Variants in CACNA1C observed in about 807,000 individuals in gnomAD.
The protein encoded by CACNA1C is voltage-dependent L-type calcium channel subunit alpha-1C.
In CACNA1C, 30 loss-of-function variants were observed where a neutral mutation model predicts 229.0. That is an observed-to-expected ratio of 0.13 (90% CI 0.10 to 0.18). The LOEUF (loss-of-function observed/expected upper bound fraction) is 0.18, where lower values mean the gene tolerates loss of function less well. Among genes scored for constraint, CACNA1C ranks in the 10% least tolerant of loss-of-function variants. The pLI is 1.00. For synonymous variants in CACNA1C, 1,114 were observed against 1,132.5 expected, an observed-to-expected ratio of 0.98 and a Z score of 0.33; for missense variants, 1,658 against 2,845.0, an observed-to-expected ratio of 0.58 and a Z score of 9.49.
Position 2,665,716 on chromosome 12 carries a change from C to T in CACNA1C, c.4526+8C>T. 1 of 1,609,986 alleles carries T rather than the reference C, an allele frequency of 6.2e-7. No individual in the cohort carries two copies. The highest frequency in any genetic ancestry group is 8.5e-7 in the Non-Finnish European group (1 of 1,177,812). On this transcript the variant is annotated splice_region_variant and intron_variant, in intron 36 of 46. Transcript: ENST00000399655. The surrounding 1 kb of genome is among the most constrained non-coding windows in gnomAD (Gnocchi z 5.9). ...GTATGACCCTGAAGCCAAGTAAGTT[C>T]CCAGAGGGAAATCCTGATTCCCCAA...
At chr12:2,603,939 C>T (rs1271292777) in intron 22 of CACNA1C, among the ~76,000 whole-genome samples, 4 of 152,166 alleles carry the variant, frequency 2.6e-5, no homozygotes, top group South Asian at 4.1e-4. Flanking sequence ...GGACAAGAAG[C>T]GTAGGATCTA....
At chr12:2,667,233 A>G (rs112697925) in intron 37 of CACNA1C, among the ~76,000 whole-genome samples, 3,901 of 103,726 alleles carry the variant, frequency 0.038, 175 homozygotes, top group African/African-American at 0.21. Flanking sequence ...ACCATGACCC[A>G]AAAAAAAAGT....
chr12:2,296,671 G>T (rs1299640942), intron 3 of CACNA1C, among the ~76,000 whole-genome samples: 1 of 152,178 alleles, frequency 6.6e-6, no homozygotes, highest in African/African-American at 2.4e-5. Context: ...CTACCGTAGA[G>T]CCAAGGAGTG....
In CACNA1C at chr12:2,677,870, G is replaced by A. The variant is rs372915169; in HGVS notation, c.5091+3G>A. The A allele has an allele frequency of 1.8e-4, 288 of 1,613,792 alleles. No individual in the cohort carries two copies. The highest frequency in any genetic ancestry group is 2.4e-4 in the Non-Finnish European group (282 of 1,179,848). ...CTTCTGAAGATGACATCTTCAGGGT[G>A]GGTGGTGCCATGGCGCACTCTCGAC... is the stretch of plus-strand genomic sequence containing the variant. On this transcript the variant is annotated splice_donor_region_variant and intron_variant, in intron 41 of 46. Transcript: ENST00000399655. This position sits in a 1 kb window ranked among gnomAD's most constrained non-coding sequence, Gnocchi z 7.4.
intron 9 of CACNA1C, among the ~76,000 whole-genome samples, chr12:2,524,164 C>G (rs1598863524): frequency 6.6e-6 from 1 of 152,232 alleles, no homozygotes; most frequent in East Asian, 1.9e-4. Flanking sequence ...AATCATTGGC[C>G]TCAACACAGT....
At chr12:2,077,830 G>C (rs1012716968) in intron 1 of CACNA1C, among the ~76,000 whole-genome samples, 1 of 152,202 alleles carries the variant, frequency 6.6e-6, no homozygotes, top group African/African-American at 2.4e-5. Context: ...CCTGGGGCTT[G>C]CTGTGTCACC....
chr12:2,112,422 T>G (rs1474024130), intron 1 of CACNA1C, among the ~76,000 whole-genome samples: 1 of 135,678 alleles, frequency 7.4e-6, no homozygotes, highest in African/African-American at 2.7e-5. Flanking sequence ...TTGTAGGGAG[T>G]GTCACGTCCT....
At chr12:2,634,459 T>A in intron 30 of CACNA1C, 79 bp downstream of exon 30, 1 of 586,042 alleles carries the variant, frequency 1.7e-6, no homozygotes, top group Non-Finnish European at 2.9e-6. Flanking sequence ...GTTTCCTTCA[T>A]TTTATTTTCT....
intron 3 of CACNA1C, among the ~76,000 whole-genome samples, chr12:2,192,032 TCACACATACAGGCA>T (rs1330747177): frequency 6.8e-6 from 1 of 147,996 alleles, no homozygotes; most frequent in Non-Finnish European, 1.5e-5. Flanking sequence ...ATACACGCAC[TCACACATACAGGCA>T]CACACATACA....
At chr12:2,420,362 T>C (rs2239064) in intron 3 of CACNA1C, among the ~76,000 whole-genome samples, 71,291 of 151,820 alleles carry the variant, frequency 0.47, 17,108 homozygotes, top group African/African-American at 0.55. Context: ...ATGCTGAGGC[T>C]GTGGGAGGGA....
At chr12:2,525,709 A>G (rs150163120) in intron 9 of CACNA1C, among the ~76,000 whole-genome samples, 127 of 152,322 alleles carry the variant, frequency 8.3e-4, no homozygotes, top group African/African-American at 2.8e-3. Context: ...AACCCCAAAC[A>G]TAGGCTTTGA....
intron 1 of CACNA1C, among the ~76,000 whole-genome samples, chr12:2,009,833 C>G (rs2044076574): frequency 6.6e-6 from 1 of 152,204 alleles, no homozygotes; most frequent in Non-Finnish European, 1.5e-5. Flanking sequence ...AGTTTCACCT[C>G]TTTCTATCTA....
chr12:2,678,975 T>A lies in CACNA1C; in HGVS notation c.5092-469T>A, dbSNP rs1204345214. 6.6e-6 allele frequency among the ~76,000 whole-genome samples: 1 copy of A among 152,230 alleles called. No individual in the cohort carries two copies. Among genetic ancestry groups the A allele is most frequent in the Non-Finnish European group, 1.5e-5 (1 of 68,040 alleles). ...TCAAAACCGTTTGGCCAACCAGCTT[T>A]TAGCTCTGTGAGCACACTGGGTTTC... is the stretch of plus-strand genomic sequence containing the variant. On this transcript the variant is annotated intron_variant, in intron 41 of 46. Transcript: ENST00000399655. This position sits in a 1 kb window ranked among gnomAD's most constrained non-coding sequence, Gnocchi z 4.1.
rs1036250911 is a variant in CACNA1C, at chr12:2,597,972, C to A, written c.2853+683C>A. On this transcript the variant is annotated intron_variant, in intron 21 of 46. Coordinates refer to ENST00000399655, the MANE Select transcript of CACNA1C (RefSeq NM_000719.7). The surrounding 1 kb of genome is among the most constrained non-coding windows in gnomAD (Gnocchi z 4.3). ...TCTCTTTGGATGCCCATCCTTAGCA[C>A]CTTCCTCAGTACTTGCAGCAGATAT... is the stretch of plus-strand genomic sequence containing the variant. Among the ~76,000 whole-genome samples the A allele has an allele frequency of 1.3e-5, 2 of 152,246 alleles. No homozygotes were observed. The highest frequency in any genetic ancestry group is 2.9e-5 in the Non-Finnish European group (2 of 68,046).
intron 30 of CACNA1C, among the ~76,000 whole-genome samples, chr12:2,645,726 T>A (rs1486877178): frequency 6.6e-6 from 1 of 152,232 alleles, no homozygotes; most frequent in African/African-American, 2.4e-5. Context: ...GATTGCTCTC[T>A]GATTTCATCG....
At chr12:2,147,789 G>C (rs529456194) in intron 3 of CACNA1C, among the ~76,000 whole-genome samples, 8 of 149,936 alleles carry the variant, frequency 5.3e-5, no homozygotes, top group Non-Finnish European at 1.2e-4. Context: ...GGGGATTTTG[G>C]GGGGGCAAAT....
At position 2,202,638 on chromosome 12, in the gene CACNA1C, G is replaced by A. The variant is rs951501942; in HGVS notation, c.477+82208G>A. ...GTGCCTCTTCTGCCCCTTCCTCCTCGAAGGCAGCTCTGCCACCACTAACAG... is the reference window on the plus strand; with the variant it reads ...GTGCCTCTTCTGCCCCTTCCTCCTCAAAGGCAGCTCTGCCACCACTAACAG... On this transcript the variant is annotated intron_variant, in intron 3 of 46. Coordinates refer to ENST00000399655, the MANE Select transcript of CACNA1C (RefSeq NM_000719.7). 3.3e-5 allele frequency among the ~76,000 whole-genome samples: 5 copies of A among 152,254 alleles called. 1 individual carries two copies. The East Asian group carries it at 7.7e-4, about 23-fold the overall frequency.
intron 30 of CACNA1C, among the ~76,000 whole-genome samples, chr12:2,640,406 T>A (rs1424607762): frequency 6.6e-6 from 1 of 152,200 alleles, no homozygotes; most frequent in Admixed American, 6.5e-5. Flanking sequence ...TTGACTTCTC[T>A]GTGTCGGTTG....
chr12:2,446,368 GTGGA>G (rs368724942), intron 3 of CACNA1C, among the ~76,000 whole-genome samples: 1,680 of 140,720 alleles, frequency 0.012, 38 homozygotes, highest in African/African-American at 0.041. Context: ...GTGTGGGTGG[GTGGA>G]TGGATGGATG....
Sources: allele counts gnomAD v4.1 joint callset (sites outside exome capture counted in the v4.1 genomes callset), GRCh38; gene constraint gnomAD v4.1.1; non-coding constraint Gnocchi (gnomAD v3.1); transcripts MANE v1.5; gene names NCBI Gene and HGNC (gene_info 2026-07-23, HGNC 2026-07-21).